GRIK2: variants seen among roughly 807,000 people sequenced by gnomAD.
GRIK2 encodes glutamate ionotropic receptor kainate type subunit 2.
A neutral mutation model predicts 100.3 loss-of-function variants in GRIK2; 32 were observed. That is an observed-to-expected ratio of 0.32 (90% confidence interval 0.24 to 0.43). The LOEUF (loss-of-function observed/expected upper bound fraction) is 0.43. Among genes scored for constraint, GRIK2 ranks in the 20% least tolerant of loss-of-function variants. GRIK2 has a pLI of 1.00. For synonymous variants in GRIK2, 417 were observed against 389.4 expected (o/e 1.07, Z -0.83); for missense variants, 843 against 1,114.9 (o/e 0.76, Z 3.47).
intron 16 of GRIK2, among the ~76,000 whole-genome samples, chr6:102,055,997 C>G (rs1771445734): frequency 6.6e-6 from 1 of 151,696 alleles, no homozygotes; most frequent in South Asian, 2.1e-4. Flanking sequence ...TATGGGTTAA[C>G]AGTTTCAAGT....
Position 101,895,344 on chromosome 6 carries a change from C to T in GRIK2, c.1748+5481C>T, listed in dbSNP as rs184183547. 2.8e-4 allele frequency among the ~76,000 whole-genome samples: 43 copies of T among 151,728 alleles called. 1 individual carries two copies. In the East Asian group the frequency reaches 7.9e-3, roughly 28 times the overall value. On this transcript the variant is annotated intron_variant, in intron 12 of 16. Transcript: ENST00000369134. ...AGTGGGTTAGGCAGCAGGGCATGGA[C>T]TCCCCAGAATCTACTCAATGGTTTA...
At chr6:101,521,498 T>C (rs938354016) in intron 2 of GRIK2, among the ~76,000 whole-genome samples, 2 of 151,986 alleles carry the variant, frequency 1.3e-5, no homozygotes, top group Non-Finnish European at 2.9e-5. Context: ...TCAAATCTTG[T>C]ACTATATTAA....
At chr6:101,977,911 A>G (rs1246008055) in intron 14 of GRIK2, among the ~76,000 whole-genome samples, 1 of 152,042 alleles carries the variant, frequency 6.6e-6, no homozygotes, top group African/African-American at 2.4e-5. Context: ...GAGGTGGACT[A>G]TATGACAAAC....
At chr6:101,709,093 G>A (rs1165148293) in intron 7 of GRIK2, among the ~76,000 whole-genome samples, 1 of 151,704 alleles carries the variant, frequency 6.6e-6, no homozygotes, top group East Asian at 1.9e-4. Context: ...GAGGGAAATT[G>A]GAACACAGGC....
intron 11 of GRIK2, among the ~76,000 whole-genome samples, chr6:101,869,882 C>T (rs1007440983): frequency 1.6e-4 from 24 of 151,756 alleles, no homozygotes; most frequent in Non-Finnish European, 2.2e-4. Context: ...AAAGCTTTTT[C>T]TATTGTGCAT....
At position 101,799,653 on chromosome 6, in the gene GRIK2, T is replaced by C. The variant is rs1474328666; in HGVS notation, c.957T>C (p.Asp319=). The change falls in exon 8 of 17, where the codon GAT becomes GAC. Residue 319 remains aspartate, a synonymous_variant. Transcript: ENST00000369134. Reference sequence around the variant, plus strand: ...CCCTTTCCCTTGCTTTTCAGACTGATGCTGCTCTAATGTATGATGCTGTGC... The same window carrying C: ...CCCTTTCCCTTGCTTTTCAGACTGACGCTGCTCTAATGTATGATGCTGTGC... ...SGLLDGFMTT[D]AALMYDAVHV... is the part of the protein sequence containing the mutation. The C allele has an allele frequency of 6.2e-7, 1 of 1,612,754 alleles. No homozygotes were observed. Among genetic ancestry groups the C allele is most frequent in the Admixed American group, 1.7e-5 (1 of 59,976 alleles).
At chr6:101,585,605 T>C (rs906232859) in intron 2 of GRIK2, among the ~76,000 whole-genome samples, 5 of 152,070 alleles carry the variant, frequency 3.3e-5, no homozygotes, top group African/African-American at 7.2e-5. Context: ...ACACATGCAA[T>C]TGATGTTTCA....
chr6:101,747,989 G>T (rs1231541952), intron 7 of GRIK2, among the ~76,000 whole-genome samples: 1 of 152,126 alleles, frequency 6.6e-6, no homozygotes, highest in Non-Finnish European at 1.5e-5. Context: ...AGAGATAGCA[G>T]CCAAAGGGAA....
At chr6:101,830,488 T>C (rs1027962090) in intron 10 of GRIK2, among the ~76,000 whole-genome samples, 4 of 151,882 alleles carry the variant, frequency 2.6e-5, no homozygotes, top group Admixed American at 2.6e-4. Flanking sequence ...AAAAGATTAA[T>C]ATCCAGAATC....
At chr6:101,901,029 T>C (rs1406265099) in intron 12 of GRIK2, among the ~76,000 whole-genome samples, 2 of 152,068 alleles carry the variant, frequency 1.3e-5, no homozygotes, top group Non-Finnish European at 2.9e-5. Flanking sequence ...GCTATTAAAA[T>C]CCTTAGCAAG....
At chr6:101,803,540 CCTAA>C (rs913794105) in intron 9 of GRIK2, among the ~76,000 whole-genome samples, 1 of 151,858 alleles carries the variant, frequency 6.6e-6, no homozygotes, top group Non-Finnish European at 1.5e-5. Flanking sequence ...ACAGTCCCTT[CCTAA>C]CTGTCTCACT....
chr6:101,697,791 T>A (rs182832337), intron 7 of GRIK2, among the ~76,000 whole-genome samples: 1 of 152,194 alleles, frequency 6.6e-6, no homozygotes, highest in East Asian at 1.9e-4. Context: ...TTTCTGAGCC[T>A]CAGTTGCCTT....
At chr6:101,426,476 C>T (rs987838003) in intron 2 of GRIK2, among the ~76,000 whole-genome samples, 1 of 152,062 alleles carries the variant, frequency 6.6e-6, no homozygotes, top group African/African-American at 2.4e-5. Context: ...TTTATCCCCC[C>T]TCCTCCCTAC....
At chr6:101,688,091 T>A (rs1771838082) in intron 7 of GRIK2, among the ~76,000 whole-genome samples, 2 of 146,378 alleles carry the variant, frequency 1.4e-5, no homozygotes, top group African/African-American at 5.0e-5. Context: ...TATAAAAATA[T>A]ATATTATATA....
intron 9 of GRIK2, among the ~76,000 whole-genome samples, chr6:101,806,613 C>G (rs983715361): frequency 1.3e-5 from 2 of 149,770 alleles, no homozygotes; most frequent in African/African-American, 4.9e-5. Flanking sequence ...TTCTTCTGCC[C>G]TACCTACAGA....
intron 2 of GRIK2, among the ~76,000 whole-genome samples, chr6:101,492,684 G>A (rs1246888418): frequency 1.3e-5 from 2 of 151,784 alleles, no homozygotes; most frequent in Non-Finnish European, 2.9e-5. Context: ...AAGCCATTGA[G>A]TACTATACTT....
chr6:101,519,636 T>G (rs113751892), intron 2 of GRIK2, among the ~76,000 whole-genome samples: 171 of 152,170 alleles, frequency 1.1e-3, no homozygotes, highest in Admixed American at 1.6e-3. Flanking sequence ...AAGTGGGATT[T>G]TTTTTCCCCA....
Position 101,984,793 on chromosome 6 carries a change from G to A in GRIK2, c.2086-50548G>A, listed in dbSNP as rs188599217. Among the ~76,000 whole-genome samples the A allele has an allele frequency of 1.6e-3, 235 of 151,554 alleles. 1 individual carries two copies. Among genetic ancestry groups the A allele is most frequent in the Non-Finnish European group, 2.3e-3 (159 of 67,744 alleles). The stretch of plus-strand genomic sequence containing the variant: ...TTTTCAGGAAGATGATCCCTATATC[G>A]GACCCCAATAATGAAATTAAACTAC... On this transcript the variant is annotated intron_variant, in intron 14 of 16. Coordinates refer to ENST00000369134, the MANE Select transcript of GRIK2 (RefSeq NM_021956.5).
chr6:101,990,551 C>G (rs771188681), intron 14 of GRIK2, among the ~76,000 whole-genome samples: 2 of 151,610 alleles, frequency 1.3e-5, no homozygotes, highest in South Asian at 2.1e-4. Context: ...GAAATGAAAA[C>G]TTAGCATGAG....
Sources: allele counts gnomAD v4.1 joint callset (sites outside exome capture counted in the v4.1 genomes callset), GRCh38; gene constraint gnomAD v4.1.1; transcripts MANE v1.5; gene names NCBI Gene and HGNC (gene_info 2026-07-23, HGNC 2026-07-21).